TBC1D16: variants seen among roughly 807,000 people sequenced by gnomAD.
TBC1D16 encodes CTD-2529O21.1.
In TBC1D16, 58 loss-of-function variants were observed where a neutral mutation model predicts 74.7. That is an observed-to-expected ratio of 0.78 (90% CI 0.63 to 0.97). The LOEUF (loss-of-function observed/expected upper bound fraction) is 0.97, where lower values mean the gene tolerates loss of function less well. TBC1D16 is among the 50% of genes least tolerant of loss of function. The probability of loss-of-function intolerance (pLI) is 0.00; values close to 1 mark genes in which losing one functional copy is unlikely to be tolerated. For synonymous variants in TBC1D16, 493 were observed against 474.7 expected (o/e 1.04, Z -0.50); for missense variants, 1,014 against 1,079.5 (o/e 0.94, Z 0.85).
At chr17:79,943,526 C>T (rs549364741) in intron 10 of TBC1D16, among the ~76,000 whole-genome samples, 1 of 152,284 alleles carries the variant, frequency 6.6e-6, no homozygotes, top group Non-Finnish European at 1.5e-5. Flanking sequence ...AGCAACCTTC[C>T]CATTCCACAG....
At chr17:79,953,085 A>C in intron 3 of TBC1D16, 1 of 310,046 alleles carries the variant, frequency 3.2e-6, no homozygotes, top group Non-Finnish European at 5.9e-6. Context: ...CATCGTCCTG[A>C]CAGCCAAGGT....
chr17:80,026,584 G>C (rs1198743294), intron 1 of TBC1D16, among the ~76,000 whole-genome samples: 6 of 149,948 alleles, frequency 4.0e-5, no homozygotes, highest in African/African-American at 1.5e-4. Context: ...AGGCACTAGA[G>C]GCAGGCTGAA....
chr17:79,990,988 T>A lies in TBC1D16; in HGVS notation c.779+19172A>T, dbSNP rs929040689. Reference sequence around the variant, plus strand: ...GTGTGAACACACCGCGTTTCTCTAGTCACCCGTCGGGGGAACTTGGACGCT... The same window carrying A: ...GTGTGAACACACCGCGTTTCTCTAGACACCCGTCGGGGGAACTTGGACGCT... On this transcript the variant is annotated intron_variant, in intron 3 of 11. Transcript: ENST00000310924. The surrounding 1 kb of genome is among the most constrained non-coding windows in gnomAD (Gnocchi z 4.8). Among the ~76,000 whole-genome samples the A allele has an allele frequency of 6.6e-6, 1 of 152,252 alleles. No individual in the cohort carries two copies. The highest frequency in any genetic ancestry group is 2.4e-5 in the African/African-American group (1 of 41,464).
chr17:79,991,624 AGGAGGCAG>A (rs1254012057), intron 3 of TBC1D16, among the ~76,000 whole-genome samples: 1 of 150,064 alleles, frequency 6.7e-6, no homozygotes, highest in Non-Finnish European at 1.5e-5. Context: ...TCTGCTTGGA[AGGAGGCAG>A]GGAGGCAAGA....
intron 3 of TBC1D16, among the ~76,000 whole-genome samples, chr17:79,966,165 C>G (rs1026078465): frequency 5.3e-5 from 8 of 152,224 alleles, no homozygotes; most frequent in African/African-American, 1.9e-4. Context: ...ACTCCAGTCT[C>G]TGCTCCATCA....
chr17:79,964,390 A>T (rs1327288350), intron 3 of TBC1D16, among the ~76,000 whole-genome samples: 1 of 152,216 alleles, frequency 6.6e-6, no homozygotes, highest in Non-Finnish European at 1.5e-5. Flanking sequence ...AGTGATCTTT[A>T]TACTCTGCTG....
chr17:79,945,118 C>G lies in TBC1D16; in HGVS notation c.1729-31G>C, dbSNP rs560272829. 7.8e-6 allele frequency: 12 copies of G among 1,541,976 alleles called. No homozygotes were observed. In the South Asian group the frequency reaches 1.5e-4, roughly 19 times the overall value. On this transcript the variant is annotated intron_variant, in intron 9 of 11. Transcript: ENST00000310924. The stretch of plus-strand genomic sequence containing the variant: ...GGTGAGGCCGTCACGCGTTAGTTAG[C>G]TCCGGTCCCATGCGGCCTGCTGCCC...
In TBC1D16 at chr17:79,949,717, C is replaced by T. The variant is rs764198498; in HGVS notation, c.1406G>A (p.Arg469Lys). Residue 469 changes from arginine to lysine, a missense_variant and splice_region_variant, in exon 7 of 12, where the codon AGG (arginine) becomes AAG (lysine). Arg to Lys is a conservative substitution (Grantham distance 26). Transcript: ENST00000310924. ...RKEYSEIQQK[R>K]LSMTPEEHRA... Reference sequence around the variant, plus strand: ...GGGCCGGGCTGGCCCCGGCGGTTACCTTTTCTGCTGGATCTCAGAGTACTC... The same window carrying T: ...GGGCCGGGCTGGCCCCGGCGGTTACTTTTTCTGCTGGATCTCAGAGTACTC... The T allele has an allele frequency of 7.5e-6, 12 of 1,607,058 alleles. No homozygotes were observed. In the African/African-American group the frequency reaches 1.5e-4, roughly 20 times the overall value.
intron 3 of TBC1D16, among the ~76,000 whole-genome samples, chr17:79,962,079 C>T (rs1598353453): frequency 1.3e-5 from 2 of 151,878 alleles, no homozygotes; most frequent in East Asian, 3.9e-4. Flanking sequence ...ATCCCATTTA[C>T]ATAAAATTCT....
rs999742265 is a variant in TBC1D16, at chr17:79,986,188, G to A, written c.779+23972C>T. 2.0e-5 allele frequency among the ~76,000 whole-genome samples: 3 copies of A among 152,220 alleles called. No homozygotes were observed. Among genetic ancestry groups the A allele is most frequent in the African/African-American group, 7.2e-5 (3 of 41,456 alleles). ...GCCAATTTCCTCGTGGTCCCAAAGT[G>A]CGGGAGGGAGGGCAGGAGGCGGCAA... On this transcript the variant is annotated intron_variant, in intron 3 of 11. Coordinates refer to ENST00000310924, the MANE Select transcript of TBC1D16 (RefSeq NM_019020.4). The surrounding 1 kb of genome is among the most constrained non-coding windows in gnomAD (Gnocchi z 6.0).
chr17:80,014,212 C>G (rs1371524704), intron 1 of TBC1D16, among the ~76,000 whole-genome samples: 1 of 151,978 alleles, frequency 6.6e-6, no homozygotes, highest in Non-Finnish European at 1.5e-5. Context: ...CAAAAATGAG[C>G]CAGGTGCGGT....
At chr17:79,943,715 T>C (rs1476007686) in intron 10 of TBC1D16, 2 of 737,358 alleles carry the variant, frequency 2.7e-6, no homozygotes, top group Non-Finnish European at 1.7e-6. Context: ...CACGTGGGCC[T>C]CCCGCTGGAA....
Position 79,983,600 on chromosome 17 carries a change from C to T in TBC1D16, c.779+26560G>A, listed in dbSNP as rs2034684752. On this transcript the variant is annotated intron_variant, in intron 3 of 11. Transcript: ENST00000310924. This position sits in a 1 kb window ranked among gnomAD's most constrained non-coding sequence, Gnocchi z 5.6. Reference sequence around the variant, plus strand: ...CGCTTTCCTAGGGCTCAAAGCAAGGCAGAATGTTGAGAAGTGCACATGTGT... The same window carrying T: ...CGCTTTCCTAGGGCTCAAAGCAAGGTAGAATGTTGAGAAGTGCACATGTGT... 6.6e-6 allele frequency among the ~76,000 whole-genome samples: 1 copy of T among 152,172 alleles called. No homozygotes were observed. The highest frequency in any genetic ancestry group is 6.5e-5 in the Admixed American group (1 of 15,282).
rs2034881919 is a variant in TBC1D16, at chr17:79,987,357, C to T, written c.779+22803G>A. ...CACCTCTTGGGCTCAAGCGATCCTC[C>T]CACTTCAGCCTCCCGAGTAGCTGGG... On this transcript the variant is annotated intron_variant, in intron 3 of 11. Transcript: ENST00000310924. The surrounding 1 kb of genome is among the most constrained non-coding windows in gnomAD (Gnocchi z 5.2). 6.6e-6 allele frequency among the ~76,000 whole-genome samples: 1 copy of T among 152,062 alleles called. No individual in the cohort carries two copies. The highest frequency in any genetic ancestry group is 1.5e-5 in the Non-Finnish European group (1 of 67,988).
intron 1 of TBC1D16, among the ~76,000 whole-genome samples, chr17:80,015,198 G>A (rs1481590577): frequency 2.6e-5 from 4 of 152,146 alleles, no homozygotes; most frequent in Non-Finnish European, 5.9e-5. Context: ...GGGGGGCCGA[G>A]GCAGGTGGAT....
At position 79,941,879 on chromosome 17, in the gene TBC1D16, CCTTAG is replaced by C. The variant is rs1199931686; in HGVS notation, c.2055+176_2055+180del. Among the ~76,000 whole-genome samples, 2 of 150,410 alleles carry C rather than the reference CCTTAG, an allele frequency of 1.3e-5. No homozygotes were observed. The highest frequency in any genetic ancestry group is 5.0e-5 in the African/African-American group (2 of 39,932). On this transcript the variant is annotated intron_variant, in intron 11 of 11. Coordinates refer to ENST00000310924, the MANE Select transcript of TBC1D16 (RefSeq NM_019020.4). This position sits in a 1 kb window ranked among gnomAD's most constrained non-coding sequence, Gnocchi z 4.3. ...GCCGAGACAGGTGCTGACCACGAGG[CCTTAG>C]TGGGGAGCCCCCAGTGCTATGGGTG... is the stretch of plus-strand genomic sequence containing the variant.
chr17:80,024,625 A>AGACACACACACCACACACCAT (rs1218300994), intron 1 of TBC1D16, among the ~76,000 whole-genome samples: 1 of 136,844 alleles, frequency 7.3e-6, no homozygotes, highest in Non-Finnish European at 1.6e-5. Flanking sequence ...CACACACCAT[A>AGACACACACACCACACACCAT]AGCACACACA....
At chr17:80,004,685 T>A (rs2035610405) in intron 3 of TBC1D16, among the ~76,000 whole-genome samples, 1 of 152,204 alleles carries the variant, frequency 6.6e-6, no homozygotes, top group Admixed American at 6.5e-5. Flanking sequence ...CTACTTTTAT[T>A]TTCTTTTGAG....
intron 1 of TBC1D16, among the ~76,000 whole-genome samples, chr17:80,022,564 C>T (rs1389952152): frequency 6.7e-6 from 1 of 149,480 alleles, no homozygotes; most frequent in Non-Finnish European, 1.5e-5. Context: ...GTCTCGAACT[C>T]CTGCCCTCAG....
Sources: allele counts gnomAD v4.1 joint callset (sites outside exome capture counted in the v4.1 genomes callset), GRCh38; gene constraint gnomAD v4.1.1; non-coding constraint Gnocchi (gnomAD v3.1); transcripts MANE v1.5; gene names NCBI Gene and HGNC (gene_info 2026-07-23, HGNC 2026-07-21).